The following GRM8 variants were observed in gnomAD, a reference collection of about 807,000 sequenced individuals.
GRM8 encodes metabotropic glutamate receptor 8.
A neutral mutation model predicts 87.2 loss-of-function variants in GRM8; 47 were observed. The observed-to-expected ratio is 0.54, with a 90% CI of 0.43 to 0.69. The LOEUF (loss-of-function observed/expected upper bound fraction) is 0.69, where lower values mean the gene tolerates loss of function less well. GRM8 is among the 30% of genes least tolerant of loss of function. The pLI is 0.00. For synonymous variants in GRM8, 396 were observed against 404.5 expected (o/e 0.98, Z 0.25); for missense variants, 1,019 against 1,139.2 (o/e 0.89, Z 1.52).
chr7:126,442,557 T>C (rs1283156158), intron 10 of GRM8, among the ~76,000 whole-genome samples: 2 of 151,940 alleles, frequency 1.3e-5, no homozygotes, highest in Non-Finnish European at 2.9e-5. Context: ...ATGTATGAAA[T>C]AGTTATAAAA....
At chr7:127,045,931 A>C in intron 3 of GRM8, among the ~76,000 whole-genome samples, 1 of 152,196 alleles carries the variant, frequency 6.6e-6, no homozygotes, top group East Asian at 1.9e-4. Flanking sequence ...TACACACCAC[A>C]ACCAGTTGAT....
chr7:127,010,407 C>T (rs997127950), intron 3 of GRM8, among the ~76,000 whole-genome samples: 1 of 151,880 alleles, frequency 6.6e-6, no homozygotes, highest in South Asian at 2.1e-4. Flanking sequence ...GGGAAATAAC[C>T]GTACAGGTGG....
intron 2 of GRM8, among the ~76,000 whole-genome samples, chr7:127,227,149 G>A (rs1458064911): frequency 2.6e-5 from 4 of 152,240 alleles, no homozygotes; most frequent in Admixed American, 6.5e-5. Flanking sequence ...GGCGGACTCT[G>A]TAGTGATGGG....
chr7:126,481,156 T>C (rs1414195825), intron 9 of GRM8, among the ~76,000 whole-genome samples: 1 of 151,938 alleles, frequency 6.6e-6, no homozygotes, highest in Non-Finnish European at 1.5e-5. Context: ...ATAAATAAAT[T>C]GAAGAGAAAG....
chr7:126,753,643 A>G (rs1476455558), intron 7 of GRM8, among the ~76,000 whole-genome samples: 1 of 151,826 alleles, frequency 6.6e-6, no homozygotes, highest in Non-Finnish European at 1.5e-5. Flanking sequence ...AGAAAACCTG[A>G]GGTACTTATT....
intron 6 of GRM8, among the ~76,000 whole-genome samples, chr7:126,812,530 C>T (rs529095560): frequency 9.9e-5 from 15 of 152,024 alleles, no homozygotes; most frequent in African/African-American, 2.9e-4. Context: ...AAATGAAGTC[C>T]GTCATTGACC....
At chr7:126,883,268 A>G (rs555425620) in intron 6 of GRM8, among the ~76,000 whole-genome samples, 4 of 152,302 alleles carry the variant, frequency 2.6e-5, no homozygotes, top group Admixed American at 2.6e-4. Context: ...TTACAAGAGA[A>G]TGTTCAGCCT....
intron 9 of GRM8, among the ~76,000 whole-genome samples, chr7:126,521,241 C>T (rs1812939683): frequency 6.6e-6 from 1 of 152,108 alleles, no homozygotes; most frequent in Non-Finnish European, 1.5e-5. Flanking sequence ...ATAGAGGAAG[C>T]TGTATTCTAT....
At chr7:126,598,926 G>C (rs981711735) in intron 8 of GRM8, among the ~76,000 whole-genome samples, 4 of 152,090 alleles carry the variant, frequency 2.6e-5, no homozygotes, top group African/African-American at 7.2e-5. Context: ...TGGGAGCTCA[G>C]AATCATACTC....
chr7:126,563,252 C>A (rs1415796765), intron 8 of GRM8, among the ~76,000 whole-genome samples: 11 of 151,446 alleles, frequency 7.3e-5, no homozygotes, highest in Admixed American at 2.0e-4. Flanking sequence ...TTCTTAAGTT[C>A]TCTTTTATAA....
intron 8 of GRM8, among the ~76,000 whole-genome samples, chr7:126,569,088 T>TTC (rs1794480337): frequency 6.6e-6 from 1 of 152,172 alleles, no homozygotes; most frequent in Admixed American, 6.6e-5. Flanking sequence ...TTATACTTCT[T>TTC]CAAATTGTTT....
intron 8 of GRM8, among the ~76,000 whole-genome samples, chr7:126,555,086 A>G (rs1321455998): frequency 6.6e-6 from 1 of 152,192 alleles, no homozygotes; most frequent in Non-Finnish European, 1.5e-5. Context: ...ACTTAAAAAC[A>G]AAACAAAGAA....
intron 7 of GRM8, among the ~76,000 whole-genome samples, chr7:126,707,885 C>T (rs1204494619): frequency 6.6e-6 from 1 of 151,958 alleles, no homozygotes. Context: ...GAAGAGCAAA[C>T]AATACCAAGT....
chr7:126,623,867 C>T lies in GRM8; in HGVS notation c.1358-14369G>A, dbSNP rs533042852. ...CTGAGTTGGGAGGATGGCTTGAGCC[C>T]GGGAGGTGGAAGCTGCAGTGAGCTG... On this transcript the variant is annotated intron_variant, in intron 7 of 10. Coordinates refer to ENST00000339582, the MANE Select transcript of GRM8 (RefSeq NM_000845.3). 7.9e-5 allele frequency among the ~76,000 whole-genome samples: 12 copies of T among 152,244 alleles called. No homozygotes were observed. In the South Asian group the frequency reaches 2.1e-3, roughly 26 times the overall value.
intron 7 of GRM8, among the ~76,000 whole-genome samples, chr7:126,720,228 A>T (rs1259875225): frequency 6.6e-6 from 1 of 151,568 alleles, no homozygotes; most frequent in East Asian, 1.9e-4. Context: ...TGCAGCCTCA[A>T]CTTCCTGGGC....
At chr7:126,987,486 A>G (rs1812207873) in intron 3 of GRM8, among the ~76,000 whole-genome samples, 1 of 151,660 alleles carries the variant, frequency 6.6e-6, no homozygotes, top group Non-Finnish European at 1.5e-5. Flanking sequence ...TTTGAGACAG[A>G]GTCTCGCTCT....
intron 3 of GRM8, among the ~76,000 whole-genome samples, chr7:127,076,794 C>T (rs1362480525): frequency 1.3e-5 from 2 of 152,196 alleles, no homozygotes; most frequent in African/African-American, 4.8e-5. Context: ...AACAAATGCC[C>T]TTCTAAGTAA....
At chr7:126,649,726 C>T (rs1803580692) in intron 7 of GRM8, among the ~76,000 whole-genome samples, 1 of 152,118 alleles carries the variant, frequency 6.6e-6, no homozygotes, top group Non-Finnish European at 1.5e-5. Context: ...GGAGGCAATA[C>T]ATTCCTCAGT....
intron 3 of GRM8, among the ~76,000 whole-genome samples, chr7:127,070,645 T>G (rs1232493938): frequency 6.6e-6 from 1 of 152,190 alleles, no homozygotes; most frequent in Admixed American, 6.5e-5. Flanking sequence ...CTTTTATTAC[T>G]AGTGAAAATT....
Sources: gnomAD v4.1 joint callset for allele counts (sites outside exome capture counted in the v4.1 genomes callset) on GRCh38, gnomAD v4.1.1 for gene constraint, MANE v1.5 for transcripts, NCBI Gene and HGNC (gene_info 2026-07-23, HGNC 2026-07-21) for gene names.